PCDHA11: variants seen among roughly 807,000 people sequenced by gnomAD.
PCDHA11 encodes protocadherin alpha 11.
Under a neutral mutation model 70.3 loss-of-function variants are expected in PCDHA11, and 61 were observed. The ratio of observed to expected loss-of-function variants is 0.87; its 90% CI spans 0.71 to 1.07. PCDHA11 has a LOEUF of 1.07. Ranked by LOEUF, PCDHA11 falls within the 50% of genes least tolerant of loss-of-function variation. The probability of loss-of-function intolerance (pLI) is 0.00; values close to 1 mark genes in which losing one functional copy is unlikely to be tolerated. For synonymous variants in PCDHA11, 633 were observed against 555.1 expected, an observed-to-expected ratio of 1.14 and a Z score of -1.97; for missense variants, 1,324 against 1,237.5, an observed-to-expected ratio of 1.07 and a Z score of -1.05.
intron 1 of PCDHA11, among the ~76,000 whole-genome samples, chr5:140,937,675 G>A (rs2091663642): frequency 6.6e-6 from 1 of 151,688 alleles, no homozygotes; most frequent in Admixed American, 6.6e-5. Flanking sequence ...CACTTTGGGA[G>A]GCTGAGGCAG....
chr5:140,906,878 C>T (rs557095374), intron 1 of PCDHA11, among the ~76,000 whole-genome samples: 1 of 152,332 alleles, frequency 6.6e-6, no homozygotes, highest in East Asian at 1.9e-4. Context: ...AACACTGTAA[C>T]TTCCTTCTTA....
intron 1 of PCDHA11, among the ~76,000 whole-genome samples, chr5:140,889,615 T>C (rs1261276866): frequency 6.6e-6 from 1 of 152,184 alleles, no homozygotes; most frequent in Non-Finnish European, 1.5e-5. Flanking sequence ...ATTATACTGA[T>C]TCATTTCTCT....
intron 3 of PCDHA11, among the ~76,000 whole-genome samples, chr5:140,984,425 A>G (rs1488284803): frequency 6.6e-6 from 1 of 152,174 alleles, no homozygotes; most frequent in Non-Finnish European, 1.5e-5. Context: ...GAGATAGAGA[A>G]GGGGATCTCC....
At chr5:140,893,088 T>C (rs1340937679) in intron 1 of PCDHA11, among the ~76,000 whole-genome samples, 2 of 152,372 alleles carry the variant, frequency 1.3e-5, no homozygotes, top group African/African-American at 4.8e-5. Flanking sequence ...CATTCTTTTT[T>C]ATGGCTGGAT....
At chr5:140,969,994 CAGAG>C (rs1406079395) in intron 1 of PCDHA11, among the ~76,000 whole-genome samples, 2 of 152,032 alleles carry the variant, frequency 1.3e-5, no homozygotes, top group Non-Finnish European at 1.5e-5. Context: ...AGAGGGCTGT[CAGAG>C]GGAGTGGATG....
At chr5:140,988,414 T>C (rs1554250128) in intron 3 of PCDHA11, among the ~76,000 whole-genome samples, 1 of 152,194 alleles carries the variant, frequency 6.6e-6, no homozygotes. Flanking sequence ...GCAGCTTATG[T>C]AAAGAATTTG....
Position 141,010,304 on chromosome 5 carries a change from A to C in PCDHA11, c.*367A>C. 1.3e-6 allele frequency: 2 copies of C among 1,548,750 alleles called. No homozygotes were observed. Among genetic ancestry groups the C allele is most frequent in the Non-Finnish European group, 8.7e-7 (1 of 1,146,136 alleles). On this transcript the variant is annotated 3_prime_UTR_variant, in exon 4 of 4. Coordinates refer to ENST00000398640, the MANE Select transcript of PCDHA11 (RefSeq NM_018902.5). ...ATGACACTTGCAGGGCAGGCTGAAA[A>C]GTTTTGAGATTGAGCAGCTTGGGAG...
chr5:140,927,499 C>G (rs781977423), intron 1 of PCDHA11: 1 of 1,614,136 alleles, frequency 6.2e-7, no homozygotes, highest in Admixed American at 1.7e-5. Context: ...CCTGCTGGTG[C>G]TTACAGCTCG....
chr5:140,942,439 A>G (rs1554214983), intron 1 of PCDHA11, among the ~76,000 whole-genome samples: 1 of 152,082 alleles, frequency 6.6e-6, no homozygotes, highest in Non-Finnish European at 1.5e-5. Flanking sequence ...AACAATAAAC[A>G]AGTAAACTAT....
At chr5:140,946,165 G>A (rs1554217364) in intron 1 of PCDHA11, among the ~76,000 whole-genome samples, 5 of 151,838 alleles carry the variant, frequency 3.3e-5, no homozygotes, top group African/African-American at 1.2e-4. Flanking sequence ...TTAAAAGATG[G>A]GTAAAGGATG....
intron 1 of PCDHA11, chr5:140,875,832 C>A: frequency 1.2e-6 from 2 of 1,614,086 alleles, no homozygotes; most frequent in South Asian, 1.1e-5. Flanking sequence ...TCCATGTGGA[C>A]GTGGAGGTGA....
intron 1 of PCDHA11, among the ~76,000 whole-genome samples, chr5:140,925,526 C>T (rs2153578026): frequency 6.6e-6 from 1 of 152,028 alleles, no homozygotes; most frequent in Non-Finnish European, 1.5e-5. Flanking sequence ...AAATTAAAAG[C>T]GAGGAGAAAT....
intron 1 of PCDHA11, chr5:140,927,132 G>C: frequency 6.2e-7 from 1 of 1,614,052 alleles, no homozygotes; most frequent in Non-Finnish European, 8.5e-7. Context: ...TCAGAGAGCC[G>C]GCGGACCGCG....
At chr5:140,948,773 G>A (rs991446033) in intron 1 of PCDHA11, among the ~76,000 whole-genome samples, 12 of 151,352 alleles carry the variant, frequency 7.9e-5, no homozygotes, top group Non-Finnish European at 1.6e-4. Context: ...CGAATAGCCA[G>A]CTTTTGGCTT....
chr5:140,971,702 T>G (rs1411821487), intron 1 of PCDHA11, among the ~76,000 whole-genome samples: 6 of 152,138 alleles, frequency 3.9e-5, no homozygotes, highest in African/African-American at 1.4e-4. Flanking sequence ...CTAACCACCC[T>G]GCTATATAGA....
chr5:140,975,503 CT>C (rs1189456467), intron 1 of PCDHA11, among the ~76,000 whole-genome samples: 3 of 152,178 alleles, frequency 2.0e-5, no homozygotes, highest in Non-Finnish European at 4.4e-5. Flanking sequence ...TAAAATAGCA[CT>C]ATGCAAAATC....
chr5:140,949,263 C>T (rs1210516513), intron 1 of PCDHA11, among the ~76,000 whole-genome samples: 3 of 151,832 alleles, frequency 2.0e-5, no homozygotes, highest in South Asian at 4.1e-4. Flanking sequence ...GAACATATCA[C>T]GTGCACTTGA....
At chr5:140,913,759 G>A (rs782668286) in intron 1 of PCDHA11, among the ~76,000 whole-genome samples, 1 of 151,994 alleles carries the variant, frequency 6.6e-6, no homozygotes, top group African/African-American at 2.4e-5. Context: ...GTATCTCATA[G>A]GTTTTGGCAT....
At chr5:140,875,758 T>C (rs1562702075) in intron 1 of PCDHA11, 1 of 1,614,186 alleles carries the variant, frequency 6.2e-7, no homozygotes. Context: ...CGAGAAGCTG[T>C]GCGGGCGGAG....
Sources: allele counts gnomAD v4.1 joint callset (sites outside exome capture counted in the v4.1 genomes callset), GRCh38; gene constraint gnomAD v4.1.1; transcripts MANE v1.5; gene names NCBI Gene and HGNC (gene_info 2026-07-23, HGNC 2026-07-21).